TARS1: variants seen among roughly 807,000 people sequenced by gnomAD.
The protein encoded by TARS1 is threonyl-tRNA synthetase 1, also known as threonine--tRNA ligase 1, cytoplasmic.
A neutral mutation model predicts 97.7 loss-of-function variants in TARS1; 57 were observed. That is an observed-to-expected ratio of 0.58 (90% CI 0.47 to 0.73). TARS1 has a LOEUF of 0.73. TARS1 is among the 30% of genes least tolerant of loss of function. The pLI is 0.00. For synonymous variants in TARS1, 312 were observed against 293.7 expected (o/e 1.06, Z -0.64); for missense variants, 806 against 888.3 (o/e 0.91, Z 1.18).
rs1199699526 is a variant in TARS1, at chr5:33,440,970, C to A, written c.-117C>A. 2 of 1,304,618 alleles carry A rather than the reference C, an allele frequency of 1.5e-6. No individual in the cohort carries two copies. The highest frequency in any genetic ancestry group is 2.2e-6 in the Non-Finnish European group (2 of 926,798). 80.8% of individuals were successfully genotyped at this position (1,304,618 alleles called of 1,614,324 possible). On this transcript the variant is annotated 5_prime_UTR_variant, in exon 1 of 19. Coordinates refer to ENST00000265112, the MANE Select transcript of TARS1 (RefSeq NM_152295.5). ...GCGGGGTTAGGGCGCCTTTCGATTGCATCAGCTGGTCCAGCCGAGGCCAAG... is the reference window on the plus strand; with the variant it reads ...GCGGGGTTAGGGCGCCTTTCGATTGAATCAGCTGGTCCAGCCGAGGCCAAG...
At chr5:33,441,453 C>G (rs771612666) in intron 1 of TARS1, 2 of 325,854 alleles carry the variant, frequency 6.1e-6, no homozygotes, top group Non-Finnish European at 1.2e-5. Context: ...GAATCAGAAT[C>G]TTAGGCTTGA....
In TARS1 at chr5:33,458,561, C is replaced by T; in HGVS notation, c.985-5C>T. 6.2e-7 allele frequency: 1 copy of T among 1,610,610 alleles called. No individual in the cohort carries two copies. Among genetic ancestry groups the T allele is most frequent in the South Asian group, 1.1e-5 (1 of 90,376 alleles). On this transcript the variant is annotated splice_polypyrimidine_tract_variant and splice_region_variant and intron_variant, in intron 9 of 18. Transcript: ENST00000265112. ...TAAACATTCTTTTGCTTTTCTTTTA[C>T]CCAGGACCAAGAACTATATTTCTTT...
At chr5:33,459,550 T>A (rs1325411846) in intron 10 of TARS1, 145 bp from the exon 11 acceptor site, 2 of 948,734 alleles carry the variant, frequency 2.1e-6, no homozygotes, top group African/African-American at 1.7e-5. Flanking sequence ...TTCTCTCTGG[T>A]ATATACTTAG....
intron 18 of TARS1, 102 bp from the exon 19 acceptor site, chr5:33,467,458 G>T: frequency 7.7e-7 from 1 of 1,306,940 alleles, no homozygotes; most frequent in East Asian, 2.5e-5. Flanking sequence ...AGAAGCTATG[G>T]GGTAGGTTTT....
intron 17 of TARS1, among the ~76,000 whole-genome samples, chr5:33,464,741 C>T (rs1361881034): frequency 6.6e-6 from 1 of 151,820 alleles, no homozygotes; most frequent in Non-Finnish European, 1.5e-5. Context: ...GTAGCCACTG[C>T]ATTCCAGCCT....
At chr5:33,455,725 T>G (rs759076416) in intron 6 of TARS1, 21 bp downstream of exon 6, 1 of 1,477,612 alleles carries the variant, frequency 6.8e-7, no homozygotes, top group Middle Eastern at 1.7e-4. Context: ...CCATAGTGCG[T>G]GGCCCCCACT....
At chr5:33,462,904 A>G (rs993499919) in intron 16 of TARS1, among the ~76,000 whole-genome samples, 14 of 152,240 alleles carry the variant, frequency 9.2e-5, no homozygotes, top group African/African-American at 2.4e-4. Flanking sequence ...TTTCAGTTTT[A>G]TTTGAACTTG....
Position 33,453,326 on chromosome 5 carries a change from A to G in TARS1, c.367A>G (p.Asn123Asp). 3 of 1,611,008 alleles carry G rather than the reference A, an allele frequency of 1.9e-6. No individual in the cohort carries two copies. Among genetic ancestry groups the G allele is most frequent in the East Asian group, 4.5e-5 (2 of 44,830 alleles). Reference sequence around the variant, plus strand: ...CGACAACACCGTTATTGCTAAAGTAAATAATGTTGTGTGGGACCTGGACCG... The same window carrying G: ...CGACAACACCGTTATTGCTAAAGTAGATAATGTTGTGTGGGACCTGGACCG... ...LADNTVIAKVNNVVWDLDRPL... is the reference protein window; with the variant it reads ...LADNTVIAKVDNVVWDLDRPL... The change falls in exon 4 of 19, where the codon AAT becomes GAT. Residue 123 changes from asparagine (N) to aspartate (D), a missense_variant. This residue lies in a region of TARS1 where 356 missense variants were observed against 357.8 expected (regional missense o/e 0.99). Transcript: ENST00000265112.
chr5:33,453,167 T>TA (rs1741828284), intron 3 of TARS1, 122 bp from the exon 4 acceptor site: 3 of 1,185,096 alleles, frequency 2.5e-6, no homozygotes, highest in Non-Finnish European at 3.3e-6. Context: ...TTCAGAAAAA[T>TA]AGAGATACAT....
intron 3 of TARS1, among the ~76,000 whole-genome samples, chr5:33,449,853 G>A (rs928588267): frequency 6.6e-6 from 1 of 152,152 alleles, no homozygotes; most frequent in Non-Finnish European, 1.5e-5. Flanking sequence ...AAATATTTGT[G>A]TGGCCTTTTA....
intron 3 of TARS1, 114 bp from the exon 4 acceptor site, chr5:33,453,175 C>A: frequency 8.2e-7 from 1 of 1,219,820 alleles, no homozygotes; most frequent in South Asian, 2.4e-5. Flanking sequence ...AATAGAGATA[C>A]ATCAATATAA....
rs779798688 is a variant in TARS1, at chr5:33,463,664, A to G, written c.1836-89A>G. On this transcript the variant is annotated intron_variant, in intron 16 of 18. Coordinates refer to ENST00000265112, the MANE Select transcript of TARS1 (RefSeq NM_152295.5). ...AGTAGTCGTTACATGTTCCAGGAAA[A>G]GATACTGAAGAGTAGAGTAAGAAAT... The G allele has an allele frequency of 1.2e-5, 14 of 1,140,176 alleles. No individual in the cohort carries two copies. The Admixed American group carries it at 1.3e-4, about 11-fold the overall frequency. 70.6% of individuals were successfully genotyped at this position (1,140,176 alleles called of 1,614,324 possible). A position where few individuals can be genotyped will look rare whatever the true frequency, so the allele number is the denominator to read the frequency against.
At position 33,453,402 on chromosome 5, in the gene TARS1, A is replaced by T. The variant is rs759139113; in HGVS notation, c.443A>T (p.Glu148Val). 4.3e-6 allele frequency: 7 copies of T among 1,613,448 alleles called. No individual in the cohort carries two copies. Among genetic ancestry groups the T allele is most frequent in the Non-Finnish European group, 5.9e-6 (7 of 1,179,852 alleles). The stretch of plus-strand genomic sequence containing the variant: ...GAGCTTCTCAAGTTTGAGGATGAGG[A>T]AGCTCAGGCAGTAAGTTGCTGATTA... The part of the protein sequence containing the change: ...TLELLKFEDE[E>V]AQAVYWHSSA... Residue 148 changes from glutamate (E) to valine (V), a missense_variant, in exon 4 of 19, where the codon GAA (glutamate) becomes GTA (valine). By Grantham distance (121) the Glu-to-Val change is moderately radical. This residue lies in a region of TARS1 where 356 missense variants were observed against 357.8 expected (regional missense o/e 0.99). Transcript: ENST00000265112.
At chr5:33,447,128 G>A (rs1436790716) in intron 2 of TARS1, among the ~76,000 whole-genome samples, 1 of 152,180 alleles carries the variant, frequency 6.6e-6, no homozygotes, top group Non-Finnish European at 1.5e-5. Context: ...GCCAGCCTAG[G>A]CAACATAGTG....
At chr5:33,449,342 C>CGT (rs1561069904) in intron 3 of TARS1, among the ~76,000 whole-genome samples, 32 of 99,868 alleles carry the variant, frequency 3.2e-4, no homozygotes, top group African/African-American at 1.4e-3. Context: ...TATATATACA[C>CGT]GTGTATATAT....
chr5:33,462,803 C>T (rs1275467527), intron 16 of TARS1, among the ~76,000 whole-genome samples: 1 of 152,202 alleles, frequency 6.6e-6, no homozygotes, highest in Admixed American at 6.5e-5. Flanking sequence ...GTTATAAAAG[C>T]ACCCGTGTGT....
At chr5:33,453,789 G>A (rs1192920474) in intron 4 of TARS1, among the ~76,000 whole-genome samples, 1 of 151,054 alleles carries the variant, frequency 6.6e-6, no homozygotes, top group East Asian at 1.9e-4. Flanking sequence ...GTGCGCTCTT[G>A]CCTCAGTACA....
chr5:33,458,609 G>C lies in TARS1; in HGVS notation c.1028G>C (p.Cys343Ser), dbSNP rs775716968. Residue 343 changes from cysteine to serine, a missense_variant, in exon 10 of 19, where the codon TGC becomes TCC. By Grantham distance (112) the Cys-to-Ser change is moderately radical. This residue lies in a region of TARS1 where 446 missense variants were observed against 511.0 expected (regional missense o/e 0.87). Transcript: ENST00000265112. ...YFFHELSPGS[C>S]FFLPKGAYIY... ...TTTCATGAACTCAGCCCTGGAAGTT[G>C]CTTTTTTCTGCCAAAAGGAGCCTAC... is the stretch of plus-strand genomic sequence containing the variant. The C allele has an allele frequency of 7.3e-5, 117 of 1,613,466 alleles. No individual in the cohort carries two copies. The highest frequency in any genetic ancestry group is 9.4e-5 in the Non-Finnish European group (111 of 1,179,756).
At chr5:33,447,838 C>T (rs1741497265) in intron 2 of TARS1, among the ~76,000 whole-genome samples, 1 of 152,106 alleles carries the variant, frequency 6.6e-6, no homozygotes, top group Non-Finnish European at 1.5e-5. Flanking sequence ...GTTTTGTTAC[C>T]ACAGATTCAC....
Sources: allele counts gnomAD v4.1 joint callset (sites outside exome capture counted in the v4.1 genomes callset), GRCh38; gene constraint gnomAD v4.1.1; regional missense constraint gnomAD v4.1.1; transcripts MANE v1.5; gene names NCBI Gene and HGNC (gene_info 2026-07-23, HGNC 2026-07-21).